Variants in PTK2 observed in about 807,000 individuals in gnomAD.
PTK2 encodes the protein focal adhesion kinase 1.
Under a neutral mutation model 150.1 loss-of-function variants are expected in PTK2, and 45 were observed. The observed-to-expected ratio is 0.30, with a 90% CI of 0.24 to 0.38. PTK2 has a LOEUF of 0.38. PTK2 is among the 10% of genes least tolerant of loss of function. The pLI, the probability that PTK2 is intolerant of heterozygous loss-of-function variation, is 1.00. For synonymous variants in PTK2, 432 were observed against 449.2 expected (o/e 0.96, Z 0.48); for missense variants, 919 against 1,307.3 (o/e 0.70, Z 4.58).
At chr8:140,789,486 C>A (rs745429526) in exon 14 of PTK2, 1 of 1,613,350 alleles carries the variant, frequency 6.2e-7, no homozygotes, top group South Asian at 1.1e-5. Context: ...GACACAGAGA[C>A]GGCGTGTGTC....
chr8:140,888,291 T>C (rs977648192), intron 3 of PTK2, among the ~76,000 whole-genome samples: 3 of 152,222 alleles, frequency 2.0e-5, no homozygotes, highest in African/African-American at 7.2e-5. Flanking sequence ...TGATATTGCA[T>C]TTTCAAATGT....
At chr8:140,983,598 G>A (rs987987390) in intron 1 of PTK2, among the ~76,000 whole-genome samples, 1 of 151,830 alleles carries the variant, frequency 6.6e-6, no homozygotes, top group African/African-American at 2.4e-5. Flanking sequence ...TTATGAAGAC[G>A]GATGGTGTAT....
chr8:140,813,324 T>C (rs1189145729), intron 10 of PTK2, among the ~76,000 whole-genome samples: 5 of 151,738 alleles, frequency 3.3e-5, no homozygotes. Context: ...AAGAAGTGCT[T>C]TGAAATGAAT....
At chr8:140,829,356 G>A (rs1326440934) in intron 8 of PTK2, among the ~76,000 whole-genome samples, 1 of 152,202 alleles carries the variant, frequency 6.6e-6, no homozygotes, top group Admixed American at 6.5e-5. Flanking sequence ...GTTTGACAGA[G>A]AGCAGGACCC....
chr8:140,982,238 T>C (rs2100191697), intron 1 of PTK2, among the ~76,000 whole-genome samples: 1 of 152,222 alleles, frequency 6.6e-6, no homozygotes, highest in East Asian at 1.9e-4. Context: ...CCCACCGCCT[T>C]GCTTAGCTCA....
intron 2 of PTK2, among the ~76,000 whole-genome samples, chr8:140,893,449 T>C (rs1294925236): frequency 6.6e-6 from 1 of 152,138 alleles, no homozygotes; most frequent in Non-Finnish European, 1.5e-5. Flanking sequence ...AACAATGAAA[T>C]ATTGTTCAGC....
intron 14 of PTK2, among the ~76,000 whole-genome samples, chr8:140,770,040 A>G (rs553942980): frequency 1.4e-4 from 22 of 152,364 alleles, no homozygotes; most frequent in African/African-American, 5.3e-4. Context: ...GCCCTCAGCA[A>G]GCCCATTCCA....
chr8:140,924,350 C>T (rs978536118), intron 2 of PTK2, among the ~76,000 whole-genome samples: 1 of 152,136 alleles, frequency 6.6e-6, no homozygotes, highest in Non-Finnish European at 1.5e-5. Context: ...AGCACTTATA[C>T]CTTCTAAAAC....
At chr8:140,887,306 A>G (rs554664535) in intron 3 of PTK2, among the ~76,000 whole-genome samples, 42 of 152,274 alleles carry the variant, frequency 2.8e-4, no homozygotes, top group Non-Finnish European at 4.7e-4. Context: ...CTACAGAAAA[A>G]TCATGTCCAA....
At chr8:140,986,325 C>T (rs7825623) in intron 1 of PTK2, among the ~76,000 whole-genome samples, 147,099 of 152,338 alleles carry the variant, frequency 0.97, 71,217 homozygotes, top group East Asian at 1. Context: ...AAAAAGAACG[C>T]GTTTTGGCTT....
chr8:140,933,139 C>A (rs2154608605), intron 1 of PTK2, among the ~76,000 whole-genome samples: 1 of 151,280 alleles, frequency 6.6e-6, no homozygotes, highest in African/African-American at 2.4e-5. Flanking sequence ...GTGTGAGCCA[C>A]CGCACATGGC....
chr8:140,917,040 A>C (rs2100165533), intron 2 of PTK2, among the ~76,000 whole-genome samples: 1 of 152,180 alleles, frequency 6.6e-6, no homozygotes, highest in South Asian at 2.1e-4. Flanking sequence ...TTTAGCTATT[A>C]CTATAAGAAG....
At chr8:140,789,448 G>A (rs754041734) in intron 14 of PTK2, 26 bp downstream of exon 14, 27 of 1,609,436 alleles carry the variant, frequency 1.7e-5, no homozygotes, top group Non-Finnish European at 2.1e-5. Flanking sequence ...AGTGCTTTTC[G>A]AGGTCTGCTA....
Position 140,669,742 on chromosome 8 carries a change from T to C in PTK2, c.2710-1318A>G. The C allele has an allele frequency of 3.3e-6, 5 of 1,533,680 alleles. No individual in the cohort carries two copies. Among genetic ancestry groups the C allele is most frequent in the Non-Finnish European group, 4.4e-6 (5 of 1,145,014 alleles). ...ATGTGCTTACCCTCCATGGCTATTG[T>C]CGAACGGAAGGTGAGGAAAAGTTAA... On this transcript the variant is annotated intron_variant, in intron 29 of 31. Transcript: ENST00000522684.
intron 22 of PTK2, among the ~76,000 whole-genome samples, chr8:140,734,404 T>C (rs1440036756): frequency 6.6e-6 from 1 of 152,214 alleles, no homozygotes; most frequent in East Asian, 1.9e-4. Context: ...AAATGTTTAT[T>C]GAGCACTTAT....
At chr8:140,766,749 G>A (rs2100072518) in intron 14 of PTK2, among the ~76,000 whole-genome samples, 1 of 152,224 alleles carries the variant, frequency 6.6e-6, no homozygotes. Flanking sequence ...GCACAGAAGT[G>A]AATGGTAGAG....
intron 27 of PTK2, among the ~76,000 whole-genome samples, chr8:140,679,468 C>T (rs778480536): frequency 3.3e-5 from 5 of 152,218 alleles, no homozygotes; most frequent in East Asian, 1.9e-4. Context: ...ACAACCTGCT[C>T]GGGTACTCAG....
At chr8:140,858,434 A>AAAAG (rs554454882) in intron 5 of PTK2, among the ~76,000 whole-genome samples, 1 of 151,950 alleles carries the variant, frequency 6.6e-6, no homozygotes, top group Non-Finnish European at 1.5e-5. Context: ...CAGAAAAAAA[A>AAAAG]AAAGAAAGAA....
At chr8:140,752,713 G>A (rs529050731) in intron 16 of PTK2, among the ~76,000 whole-genome samples, 10 of 152,352 alleles carry the variant, frequency 6.6e-5, no homozygotes, top group African/African-American at 2.2e-4. Context: ...GAAGGTAACC[G>A]TGTTACAGAA....
Sources: allele counts gnomAD v4.1 joint callset (sites outside exome capture counted in the v4.1 genomes callset), GRCh38; gene constraint gnomAD v4.1.1; transcripts MANE v1.5; gene names NCBI Gene and HGNC (gene_info 2026-07-23, HGNC 2026-07-21).